The following PRTG variants were observed in gnomAD, a reference collection of about 807,000 sequenced individuals.
PRTG encodes immunoglobulin superfamily, DCC subclass, member 5.
Under a neutral mutation model 122.5 loss-of-function variants are expected in PRTG, and 67 were observed. The observed-to-expected ratio is 0.55, with a 90% CI of 0.45 to 0.67. The LOEUF is 0.67. Ranked by LOEUF, PRTG falls within the 30% of genes least tolerant of loss-of-function variation. The pLI is 0.00. For missense variants in PRTG, 1,435 were observed against 1,415.4 expected, an observed-to-expected ratio of 1.01 and a Z score of -0.22; for synonymous variants, 554 against 501.1, an observed-to-expected ratio of 1.11 and a Z score of -1.41.
Position 55,629,371 on chromosome 15 carries a change from ATATATGTGTGTGTGTGTGTGTGTG to A in PRTG, c.2624-391_2624-368del, listed in dbSNP as rs1280813350. ...TTTGTTTGGCTTTGTATATATATAT[ATATATGTGTGTGTGTGTGTGTGTG>A]TGTGTGTGTGTGTGTGTGTGTGTGT... On this transcript the variant is annotated intron_variant, in intron 15 of 19. Transcript: ENST00000389286. Among the ~76,000 whole-genome samples, 28 of 35,538 alleles carry A rather than the reference ATATATGTGTGTGTGTGTGTGTGTG, an allele frequency of 7.9e-4. 1 individual carries two copies. Among genetic ancestry groups the A allele is most frequent in the Admixed American group, 3.9e-3 (11 of 2,836 alleles). 23.3% of individuals were successfully genotyped at this position (35,538 alleles called of 152,430 possible). A position where few individuals can be genotyped will look rare whatever the true frequency, so the allele number is the denominator to read the frequency against.
chr15:55,743,112 G>A lies in PRTG; in HGVS notation c.-181C>T. The A allele has an allele frequency of 6.3e-6, 8 of 1,277,668 alleles. No individual in the cohort carries two copies. Among genetic ancestry groups the A allele is most frequent in the Non-Finnish European group, 6.9e-6 (7 of 1,016,766 alleles). The allele number at this position is 1,277,668 out of a possible 1,614,324, so 79.1% of individuals were successfully genotyped here. On this transcript the variant is annotated 5_prime_UTR_variant, in exon 1 of 20. Coordinates refer to ENST00000389286, the MANE Select transcript of PRTG (RefSeq NM_173814.6). Reference sequence around the variant, plus strand: ...GAGGCTGGTGCTCGGACGGCCGCTCGCGAGAAGCAAGGGGCCTGAGAGTCC... The same window carrying A: ...GAGGCTGGTGCTCGGACGGCCGCTCACGAGAAGCAAGGGGCCTGAGAGTCC...
At chr15:55,641,047 A>C in intron 12 of PRTG, 66 bp downstream of exon 12, 1 of 1,077,878 alleles carries the variant, frequency 9.3e-7, no homozygotes, top group South Asian at 1.3e-5. Context: ...ACTGTAACTT[A>C]AAGGAGGAGG....
chr15:55,720,750 A>C (rs575141696), intron 2 of PRTG, among the ~76,000 whole-genome samples: 1 of 152,326 alleles, frequency 6.6e-6, no homozygotes, highest in African/African-American at 2.4e-5. Context: ...TTGAAAAATA[A>C]TTGCCATGGG....
chr15:55,624,601 G>A (rs1208566174), intron 17 of PRTG, 94 bp from the exon 18 acceptor site: 3 of 990,404 alleles, frequency 3.0e-6, no homozygotes, highest in Admixed American at 5.9e-5. Flanking sequence ...TGTAAGCAAT[G>A]CAGTTCTTTA....
In PRTG at chr15:55,714,387, C is replaced by T. The variant is rs567452176; in HGVS notation, c.397+25995G>A. Reference sequence around the variant, plus strand: ...GACTACAGATGTGCACCCCCACCCCCCCGCTAGTTTTAAAAACATTTTTTG... The same window carrying T: ...GACTACAGATGTGCACCCCCACCCCTCCGCTAGTTTTAAAAACATTTTTTG... On this transcript the variant is annotated intron_variant, in intron 2 of 19. Transcript: ENST00000389286. 7.9e-5 allele frequency among the ~76,000 whole-genome samples: 12 copies of T among 151,840 alleles called. No homozygotes were observed. In the East Asian group the frequency reaches 1.9e-3, roughly 25 times the overall value.
At chr15:55,675,777 C>T (rs77798634) in intron 8 of PRTG, 94 bp from the exon 9 acceptor site, 1 of 655,320 alleles carries the variant, frequency 1.5e-6, no homozygotes, top group Non-Finnish European at 2.6e-6. Context: ...GTCCTTGGGT[C>T]TAATCTCAAT....
intron 2 of PRTG, among the ~76,000 whole-genome samples, chr15:55,739,219 T>A (rs1158655493): frequency 1.3e-5 from 2 of 152,014 alleles, no homozygotes; most frequent in African/African-American, 4.8e-5. Flanking sequence ...TTCAATTGTA[T>A]AGAACTTGAA....
chr15:55,655,412 GATAA>G (rs1289383933), intron 11 of PRTG: 1 of 152,074 alleles, frequency 6.6e-6, no homozygotes, highest in Non-Finnish European at 1.5e-5. Flanking sequence ...AAGATTTTCT[GATAA>G]ATAAAACATT....
rs1410000330 is a variant in PRTG at position 55,672,564 on chromosome 15, T to A, written c.1922A>T (p.Asp641Val). ...CTGAATAGCAGCTGTGTCCTCTACATCTTGCTGCCACCTCACAGAAATGGT... is the reference window on the plus strand; with the variant it reads ...CTGAATAGCAGCTGTGTCCTCTACAACTTGCTGCCACCTCACAGAAATGGT... ...CTTISVRWQQ[D>V]VEDTAAIQGY... is the part of the protein sequence containing the mutation. The change falls in exon 11 of 20, where the codon GAT (aspartate) becomes GTT (valine). Residue 641 changes from aspartate (D) to valine (V), a missense_variant. Coordinates refer to ENST00000389286, the MANE Select transcript of PRTG (RefSeq NM_173814.6). 5.0e-6 allele frequency: 8 copies of A among 1,613,928 alleles called. No homozygotes were observed. Among genetic ancestry groups the A allele is most frequent in the Non-Finnish European group, 6.8e-6 (8 of 1,179,976 alleles).
rs117623880 is a variant in PRTG, at chr15:55,678,385, G to T, written c.1134-341C>A. 9.6e-3 allele frequency among the ~76,000 whole-genome samples: 1,458 copies of T among 152,218 alleles called. 15 individuals are homozygous for T. Among genetic ancestry groups the T allele is most frequent in the Non-Finnish European group, 0.017 (1,148 of 68,018 alleles). ...TTGCCTCATCCTCCTGAGTAGCCGG[G>T]ACTCCAGGCATGTGTAGTTTTTAAA... On this transcript the variant is annotated intron_variant, in intron 7 of 19. Coordinates refer to ENST00000389286, the MANE Select transcript of PRTG (RefSeq NM_173814.6).
chr15:55,700,565 T>C (rs1330340532), intron 2 of PRTG, among the ~76,000 whole-genome samples: 1 of 151,956 alleles, frequency 6.6e-6, no homozygotes, highest in East Asian at 1.9e-4. Flanking sequence ...GAGGATCACT[T>C]GAACCTAAGA....
At chr15:55,621,108 C>T (rs937670149) in intron 18 of PRTG, among the ~76,000 whole-genome samples, 4 of 152,186 alleles carry the variant, frequency 2.6e-5, no homozygotes, top group Non-Finnish European at 4.4e-5. Context: ...AACCCCAGCA[C>T]TTTGGGAGGG....
intron 7 of PRTG, among the ~76,000 whole-genome samples, chr15:55,678,368 T>G (rs949341985): frequency 5.3e-5 from 8 of 152,116 alleles, no homozygotes; most frequent in African/African-American, 1.9e-4. Flanking sequence ...TCTTGCCTCA[T>G]CCTCCTGAGT....
chr15:55,633,278 C>T (rs898819717), intron 15 of PRTG, among the ~76,000 whole-genome samples: 4 of 151,972 alleles, frequency 2.6e-5, no homozygotes, highest in Non-Finnish European at 2.9e-5. Flanking sequence ...GGCACGATCT[C>T]GGCTCACTGC....
chr15:55,705,245 T>C (rs1034694260), intron 2 of PRTG, among the ~76,000 whole-genome samples: 2 of 152,170 alleles, frequency 1.3e-5, no homozygotes, highest in South Asian at 4.1e-4. Flanking sequence ...CTAATGCTAA[T>C]CTAGGCCTTG....
chr15:55,739,298 C>A (rs184428367), intron 2 of PRTG, among the ~76,000 whole-genome samples: 3 of 148,896 alleles, frequency 2.0e-5, no homozygotes, highest in Non-Finnish European at 3.0e-5. Flanking sequence ...GATGGAGTCT[C>A]ACTATTTCCC....
chr15:55,652,683 G>T (rs948229458), intron 11 of PRTG, among the ~76,000 whole-genome samples: 5 of 152,176 alleles, frequency 3.3e-5, no homozygotes, highest in African/African-American at 1.2e-4. Context: ...GGATGGGTGG[G>T]AAAGGGAGCC....
intron 2 of PRTG, among the ~76,000 whole-genome samples, chr15:55,734,076 G>C (rs1595685882): frequency 6.6e-6 from 1 of 152,286 alleles, no homozygotes; most frequent in South Asian, 2.1e-4. Flanking sequence ...GAGTCTATCG[G>C]TATTGGGAGG....
rs375139281 is a variant in PRTG, at chr15:55,670,971, AAGAAG to A, written c.2041+1469_2041+1473del. On this transcript the variant is annotated intron_variant, in intron 11 of 19. Coordinates refer to ENST00000389286, the MANE Select transcript of PRTG (RefSeq NM_173814.6). ...CACACACACTTTGTGTGTGCACACAAAGAAGAGAAAAGAAAAAACTGTGTGACAGA... is the reference window on the plus strand; with the variant it reads ...CACACACACTTTGTGTGTGCACACAAAGAAAAGAAAAAACTGTGTGACAGA... Among the ~76,000 whole-genome samples, 673 of 151,414 alleles carry A rather than the reference AAGAAG, an allele frequency of 4.4e-3. 6 individuals are homozygous for A. Among genetic ancestry groups the A allele is most frequent in the African/African-American group, 0.015 (632 of 41,264 alleles).
Sources: gnomAD v4.1 joint callset for allele counts (sites outside exome capture counted in the v4.1 genomes callset) on GRCh38, gnomAD v4.1.1 for gene constraint, MANE v1.5 for transcripts, NCBI Gene and HGNC (gene_info 2026-07-23, HGNC 2026-07-21) for gene names.